The following MYOF variants were observed in gnomAD, a reference collection of about 807,000 sequenced individuals.
The protein encoded by MYOF is myoferlin, also known as fer-1-like 3, myoferlin.
A neutral mutation model predicts 284.2 loss-of-function variants in MYOF; 244 were observed. The ratio of observed to expected loss-of-function variants is 0.86; its 90% CI spans 0.77 to 0.95. The LOEUF (loss-of-function observed/expected upper bound fraction) is 0.95. Ranked by LOEUF, MYOF falls within the 40% of genes least tolerant of loss-of-function variation. MYOF has a pLI of 0.00. For synonymous variants in MYOF, 904 were observed against 919.7 expected, an observed-to-expected ratio of 0.98 and a Z score of 0.31; for missense variants, 2,496 against 2,560.6, an observed-to-expected ratio of 0.97 and a Z score of 0.54.
In MYOF at chr10:93,390,186, C is replaced by T. The variant is rs78265189; in HGVS notation, c.1457-1032G>A. On this transcript the variant is annotated intron_variant, in intron 17 of 53. Coordinates refer to ENST00000359263, the MANE Select transcript of MYOF (RefSeq NM_013451.4). ...AGGGAGAAAGATAAATGTGGAGCAG[C>T]GTCATCAGAATGATGCCCATTAATA... Among the ~76,000 whole-genome samples, 509 of 152,268 alleles carry T rather than the reference C, an allele frequency of 3.3e-3. 7 individuals are homozygous for T. The highest frequency in any genetic ancestry group is 0.012 in the African/African-American group (491 of 41,528).
chr10:93,347,801 G>T lies in MYOF; in HGVS notation c.4084-19C>A. The T allele has an allele frequency of 2.5e-6, 4 of 1,603,814 alleles. No homozygotes were observed. The highest frequency in any genetic ancestry group is 3.4e-6 in the Non-Finnish European group (4 of 1,172,982). ...GCAAGAACTGGGGGTCACAAAGGTA[G>T]GTTTCATTTCTCAAGACCAGACGAG... On this transcript the variant is annotated intron_variant, in intron 36 of 53. Transcript: ENST00000359263.
chr10:93,360,364 T>C (rs1337107199), intron 28 of MYOF, among the ~76,000 whole-genome samples: 1 of 152,234 alleles, frequency 6.6e-6, no homozygotes, highest in Non-Finnish European at 1.5e-5. Flanking sequence ...ACTAAATAAG[T>C]TTCCAGCAAG....
At chr10:93,444,236 C>G (rs1176400934) in intron 3 of MYOF, among the ~76,000 whole-genome samples, 1 of 152,226 alleles carries the variant, frequency 6.6e-6, no homozygotes, top group Non-Finnish European at 1.5e-5. Context: ...GCATCATAAA[C>G]TCACTTGTTC....
intron 32 of MYOF, among the ~76,000 whole-genome samples, chr10:93,353,008 T>C (rs1844595064): frequency 1.3e-5 from 2 of 152,182 alleles, no homozygotes; most frequent in Non-Finnish European, 2.9e-5. Flanking sequence ...GTCAGTCAAA[T>C]GCTTTAACAA....
chr10:93,336,174 G>A (rs1246763661), intron 40 of MYOF, 128 bp from the exon 41 acceptor site: 8 of 1,052,766 alleles, frequency 7.6e-6, no homozygotes, highest in East Asian at 2.5e-5. Context: ...AATCGCTGGC[G>A]GGAGTGTAGA....
At chr10:93,310,302 T>G in intron 52 of MYOF, 135 bp from the exon 53 acceptor site, 1 of 1,198,222 alleles carries the variant, frequency 8.3e-7, no homozygotes, top group Non-Finnish European at 1.2e-6. Context: ...CTTCGTTGAC[T>G]GAGAAAGGCT....
At chr10:93,400,733 T>C (rs1397840519) in intron 12 of MYOF, among the ~76,000 whole-genome samples, 1 of 152,120 alleles carries the variant, frequency 6.6e-6, no homozygotes, top group East Asian at 1.9e-4. Context: ...CACTAGTTCC[T>C]ATAAATGGAA....
chr10:93,421,560 T>C (rs771799847), intron 5 of MYOF, among the ~76,000 whole-genome samples: 14 of 152,186 alleles, frequency 9.2e-5, no homozygotes, highest in Non-Finnish European at 1.8e-4. Flanking sequence ...GTTTGGGTCA[T>C]GGGGGTGGAT....
intron 38 of MYOF, among the ~76,000 whole-genome samples, chr10:93,342,189 CA>C (rs1161276194): frequency 9.9e-5 from 15 of 152,160 alleles, no homozygotes; most frequent in Non-Finnish European, 1.5e-4. Context: ...CCAGCAACAG[CA>C]TAGTTATTTT....
chr10:93,338,004 T>G lies in MYOF; in HGVS notation c.4339-91A>C, dbSNP rs112415766. The G allele has an allele frequency of 3.7e-4, 346 of 923,690 alleles. No homozygotes were observed. The African/African-American group carries it at 5.0e-3, about 13-fold the overall frequency. The allele number at this position is 923,690 out of a possible 1,614,324, so 57.2% of individuals were successfully genotyped here. A position where few individuals can be genotyped will look rare whatever the true frequency, so the allele number is the denominator to read the frequency against. On this transcript the variant is annotated intron_variant, in intron 39 of 53. Transcript: ENST00000359263. ...TGCATTTGTAATAGTTAAGAAGAAA[T>G]AGGTTCTTCTGACCCTGTTAAAAGT...
At chr10:93,440,798 T>A (rs2056225291) in intron 3 of MYOF, among the ~76,000 whole-genome samples, 1 of 152,240 alleles carries the variant, frequency 6.6e-6, no homozygotes, top group African/African-American at 2.4e-5. Context: ...CTTGCCTTTA[T>A]GAGATGCCTT....
chr10:93,325,922 C>A lies in MYOF; in HGVS notation c.5175G>T (p.Glu1725Asp). 1 of 1,614,084 alleles carries A rather than the reference C, an allele frequency of 6.2e-7. No homozygotes were observed. The highest frequency in any genetic ancestry group is 8.5e-7 in the Non-Finnish European group (1 of 1,180,028). Reference protein sequence around the residue: ...ILHQHLGAPEERLALHILRTQ... With the variant: ...ILHQHLGAPEDRLALHILRTQ... The stretch of plus-strand genomic sequence containing the variant: ...TCCTGAGGATGTGAAGAGCAAGCCG[C>A]TCTTCAGGGGCCCCGAGGTGCTGGT... The change falls in exon 46 of 54, where the codon GAG becomes GAT. Residue 1725 changes from glutamate (E) to aspartate (D), a missense_variant. This residue lies in a region of MYOF where 2,436 missense variants were observed against 2,480.7 expected (regional missense o/e 0.98). Coordinates refer to ENST00000359263, the MANE Select transcript of MYOF (RefSeq NM_013451.4).
intron 49 of MYOF, among the ~76,000 whole-genome samples, chr10:93,317,058 G>A (rs1298915532): frequency 1.3e-5 from 2 of 150,604 alleles, no homozygotes; most frequent in African/African-American, 4.9e-5. Context: ...CCCTATCAGT[G>A]TGACTTCCCG....
intron 5 of MYOF, among the ~76,000 whole-genome samples, chr10:93,421,274 C>G (rs868554689): frequency 1.9e-4 from 29 of 152,160 alleles, no homozygotes; most frequent in African/African-American, 6.7e-4. Flanking sequence ...AATTCTGGGC[C>G]AGATGTCCTG....
chr10:93,440,999 A>G (rs1261468918), intron 3 of MYOF, among the ~76,000 whole-genome samples: 2 of 152,206 alleles, frequency 1.3e-5, no homozygotes, highest in East Asian at 1.9e-4. Context: ...TCATTGCTCT[A>G]ATACAGAACT....
At chr10:93,355,232 T>C (rs1282980492) in intron 31 of MYOF, among the ~76,000 whole-genome samples, 3 of 152,238 alleles carry the variant, frequency 2.0e-5, no homozygotes, top group African/African-American at 7.2e-5. Context: ...TTAAAAATCA[T>C]ATTCAGTGAT....
intron 42 of MYOF, 64 bp downstream of exon 42, chr10:93,333,694 A>T: frequency 6.3e-7 from 1 of 1,580,024 alleles, no homozygotes; most frequent in Non-Finnish European, 8.6e-7. Context: ...GAACATGACA[A>T]TTATTGTGGC....
chr10:93,463,212 G>A (rs1270258211), intron 1 of MYOF, among the ~76,000 whole-genome samples: 1 of 151,980 alleles, frequency 6.6e-6, no homozygotes, highest in Non-Finnish European at 1.5e-5. Flanking sequence ...CCTCTTGCGC[G>A]GAACCATTTC....
At chr10:93,468,400 C>T (rs142417252) in intron 1 of MYOF, among the ~76,000 whole-genome samples, 77 of 152,338 alleles carry the variant, frequency 5.1e-4, no homozygotes, top group Middle Eastern at 3.4e-3. Context: ...AAAGCATACC[C>T]ATGCCCAAGA....
Sources: gnomAD v4.1 joint callset for allele counts (sites outside exome capture counted in the v4.1 genomes callset) on GRCh38, gnomAD v4.1.1 for gene constraint, gnomAD v4.1.1 regional missense constraint, MANE v1.5 for transcripts, NCBI Gene and HGNC (gene_info 2026-07-23, HGNC 2026-07-21) for gene names.